Variants in NELL2 observed in about 807,000 individuals in gnomAD.
NELL2 encodes the protein neural EGFL like 2.
Under a neutral mutation model 109.6 loss-of-function variants are expected in NELL2, and 41 were observed. That is an observed-to-expected ratio of 0.37 (90% CI 0.29 to 0.49). NELL2 has a LOEUF of 0.49. Ranked by LOEUF, NELL2 falls within the 20% of genes least tolerant of loss-of-function variation. The pLI, the probability that NELL2 is intolerant of heterozygous loss-of-function variation, is 0.98. For synonymous variants in NELL2, 355 were observed against 344.7 expected (o/e 1.03, Z -0.33); for missense variants, 900 against 1,008.3 (o/e 0.89, Z 1.45).
chr12:44,621,838 T>C (rs1946072387), intron 13 of NELL2, among the ~76,000 whole-genome samples: 1 of 152,122 alleles, frequency 6.6e-6, no homozygotes, highest in Admixed American at 6.5e-5. Flanking sequence ...TAAGGGACTG[T>C]GGATATGCAT....
At chr12:44,686,994 G>C (rs1054841124) in intron 12 of NELL2, among the ~76,000 whole-genome samples, 2 of 152,148 alleles carry the variant, frequency 1.3e-5, no homozygotes, top group Non-Finnish European at 2.9e-5. Context: ...CTGGGCAATG[G>C]TGGGCGCCCC....
At chr12:44,528,942 A>G (rs1941924070) in intron 16 of NELL2, among the ~76,000 whole-genome samples, 1 of 152,234 alleles carries the variant, frequency 6.6e-6, no homozygotes, top group African/African-American at 2.4e-5. Context: ...TAGAAATGGT[A>G]AGAAGGCAAA....
intron 2 of NELL2, among the ~76,000 whole-genome samples, chr12:44,826,552 C>T (rs947335676): frequency 2.6e-5 from 4 of 151,980 alleles, no homozygotes; most frequent in African/African-American, 9.7e-5. Context: ...ACAAAGTTTC[C>T]GAAGTCTTTA....
chr12:44,849,881 A>G (rs1043851930), intron 2 of NELL2, among the ~76,000 whole-genome samples: 53 of 152,326 alleles, frequency 3.5e-4, no homozygotes, highest in African/African-American at 1.3e-3. Context: ...GAAAAAAGCC[A>G]GGCACAAAAG....
At chr12:44,779,397 G>A (rs1387819408) in intron 5 of NELL2, among the ~76,000 whole-genome samples, 1 of 152,050 alleles carries the variant, frequency 6.6e-6, no homozygotes, top group Non-Finnish European at 1.5e-5. Flanking sequence ...TGCTTTGAAA[G>A]GTTAATTCAA....
chr12:44,830,263 A>C (rs1302024863), intron 2 of NELL2, among the ~76,000 whole-genome samples: 1 of 152,212 alleles, frequency 6.6e-6, no homozygotes, highest in Non-Finnish European at 1.5e-5. Context: ...GAGATAGTAC[A>C]TGGTGTCCCA....
intron 16 of NELL2, among the ~76,000 whole-genome samples, chr12:44,527,156 T>C (rs147632667): frequency 6.6e-6 from 1 of 152,338 alleles, no homozygotes; most frequent in African/African-American, 2.4e-5. Flanking sequence ...ATCAAATGCT[T>C]TTCTCAATCA....
At chr12:44,534,173 T>C (rs892636925) in intron 15 of NELL2, among the ~76,000 whole-genome samples, 23 of 151,972 alleles carry the variant, frequency 1.5e-4, no homozygotes, top group African/African-American at 5.6e-4. Flanking sequence ...AGAAGTTCAA[T>C]GTTGAAAGAG....
intron 12 of NELL2, among the ~76,000 whole-genome samples, chr12:44,689,120 T>A (rs960392709): frequency 1.3e-5 from 2 of 152,182 alleles, no homozygotes; most frequent in African/African-American, 4.8e-5. Flanking sequence ...CACTCGGTGT[T>A]CCTATGAGTT....
intron 13 of NELL2, among the ~76,000 whole-genome samples, chr12:44,637,146 C>T (rs903184718): frequency 6.6e-6 from 1 of 151,486 alleles, no homozygotes; most frequent in Non-Finnish European, 1.5e-5. Context: ...TCTCTCTTTT[C>T]TTCTTTATTA....
intron 19 of NELL2, 27 bp from the exon 20 acceptor site, chr12:44,509,011 A>C (rs1940854658): frequency 6.3e-7 from 1 of 1,595,304 alleles, no homozygotes; most frequent in East Asian, 2.2e-5. Flanking sequence ...TAGAAAGAAA[A>C]ACAGTATGAA....
intron 9 of NELL2, among the ~76,000 whole-genome samples, chr12:44,769,566 T>C (rs973699520): frequency 9.2e-5 from 14 of 152,152 alleles, no homozygotes; most frequent in African/African-American, 3.4e-4. Context: ...GGTTTTGCCA[T>C]AGAGTCAAAC....
chr12:44,581,414 A>T (rs1334190152), intron 15 of NELL2, among the ~76,000 whole-genome samples: 4 of 152,180 alleles, frequency 2.6e-5, no homozygotes, highest in African/African-American at 9.6e-5. Flanking sequence ...TCTGTTAAAG[A>T]TCTTATTACA....
At chr12:44,893,178 C>A (rs1339617734) in intron 1 of NELL2, among the ~76,000 whole-genome samples, 1 of 152,062 alleles carries the variant, frequency 6.6e-6, no homozygotes, top group Non-Finnish European at 1.5e-5. Context: ...TCCTCACTTG[C>A]CTCTTCCTGC....
rs189998271 is a variant in NELL2 at position 44,681,160 on chromosome 12, T to C, written c.1319-15551A>G. Among the ~76,000 whole-genome samples the C allele has an allele frequency of 1.3e-3, 199 of 151,228 alleles. 1 individual carries two copies. The highest frequency in any genetic ancestry group is 0.01 in the Middle Eastern group (3 of 292). ...ATAGTCATACATATCCATGTCAATA[T>C]ACATATATACACCATTTCTCTTACT... is the stretch of plus-strand genomic sequence containing the variant. On this transcript the variant is annotated intron_variant, in intron 12 of 19. Coordinates refer to ENST00000429094, the MANE Select transcript of NELL2 (RefSeq NM_001145108.2).
At chr12:44,544,334 G>T (rs1029657258) in intron 15 of NELL2, among the ~76,000 whole-genome samples, 1 of 152,068 alleles carries the variant, frequency 6.6e-6, no homozygotes, top group Non-Finnish European at 1.5e-5. Flanking sequence ...TAAACATATT[G>T]AAATAATTAA....
chr12:44,674,880 A>G (rs575451439), intron 12 of NELL2, among the ~76,000 whole-genome samples: 1 of 152,296 alleles, frequency 6.6e-6, no homozygotes, highest in Middle Eastern at 3.4e-3. Flanking sequence ...GTATTTTATT[A>G]AGTTTTTTTT....
At chr12:44,916,705 A>C (rs1201238217), upstream of NELL2, among the ~76,000 whole-genome samples, 1 of 152,188 alleles carries the variant, frequency 6.6e-6, no homozygotes, top group Non-Finnish European at 1.5e-5. Context: ...AAAATGACAA[A>C]TTTGAGCCCC....
At chr12:44,861,783 C>T (rs1944851343) in intron 2 of NELL2, among the ~76,000 whole-genome samples, 1 of 152,228 alleles carries the variant, frequency 6.6e-6, no homozygotes, top group Non-Finnish European at 1.5e-5. Context: ...GTCACCAGGA[C>T]AGCCTGTCTG....
Sources: allele counts gnomAD v4.1 joint callset (sites outside exome capture counted in the v4.1 genomes callset), GRCh38; gene constraint gnomAD v4.1.1; transcripts MANE v1.5; gene names NCBI Gene and HGNC (gene_info 2026-07-23, HGNC 2026-07-21).